G3BP1: variants seen among roughly 807,000 people sequenced by gnomAD.
G3BP1 encodes G3BP stress granule assembly factor 1.
Under a neutral mutation model 58.6 loss-of-function variants are expected in G3BP1, and 35 were observed. The observed-to-expected ratio is 0.60, with a 90% CI of 0.46 to 0.79. The LOEUF (loss-of-function observed/expected upper bound fraction) is 0.79. Ranked by LOEUF, G3BP1 falls within the 30% of genes least tolerant of loss-of-function variation. The pLI is 0.00. For synonymous variants in G3BP1, 191 were observed against 195.4 expected, an observed-to-expected ratio of 0.98 and a Z score of 0.19; for missense variants, 523 against 580.8, an observed-to-expected ratio of 0.90 and a Z score of 1.02.
chr5:151,800,189 T>C (rs767408117), intron 9 of G3BP1, 29 bp from the exon 10 acceptor site: 1 of 1,608,234 alleles, frequency 6.2e-7, no homozygotes, highest in African/African-American at 1.3e-5. Flanking sequence ...TTCTCTTGTC[T>C]TTCATTGATG....
chr5:151,786,243 C>G (rs187251144), intron 1 of G3BP1, among the ~76,000 whole-genome samples: 1 of 152,146 alleles, frequency 6.6e-6, no homozygotes, highest in Non-Finnish European at 1.5e-5. Flanking sequence ...GAGCCGAGAT[C>G]GCACCACTGC....
intron 1 of G3BP1, among the ~76,000 whole-genome samples, chr5:151,786,068 C>G (rs888473996): frequency 5.3e-5 from 8 of 152,142 alleles, no homozygotes; most frequent in African/African-American, 1.7e-4. Context: ...CTGAGGCGGG[C>G]AGATCATGAG....
Position 151,810,192 on chromosome 5 carries a change from C to T in G3BP1, c.*6101C>T, listed in dbSNP as rs908416996. On this transcript the variant is annotated 3_prime_UTR_variant, in exon 12 of 12. Transcript: ENST00000356245. ...TCTCCCACTCTTCATGGAAGTGATG[C>T]TCCAGCCTTGCTAAAACACTGAGGG... The T allele has an allele frequency of 6.6e-6, 1 of 152,206 alleles. No individual in the cohort carries two copies. The highest frequency in any genetic ancestry group is 1.5e-5 in the Non-Finnish European group (1 of 68,044). The allele number at this position is 152,206 out of a possible 1,614,324, so 9.4% of individuals were successfully genotyped here.
chr5:151,798,541 A>G lies in G3BP1; in HGVS notation c.742-671A>G, dbSNP rs535372720. Reference sequence around the variant, plus strand: ...TTTTAAATGTGCGAGAAAGGTGTTTATGATGATTCTACAATTGATGTAATT... The same window carrying G: ...TTTTAAATGTGCGAGAAAGGTGTTTGTGATGATTCTACAATTGATGTAATT... On this transcript the variant is annotated intron_variant, in intron 7 of 11. Coordinates refer to ENST00000356245, the MANE Select transcript of G3BP1 (RefSeq NM_005754.3). Among the ~76,000 whole-genome samples the G allele has an allele frequency of 3.9e-5, 6 of 152,368 alleles. No homozygotes were observed. The South Asian group carries it at 1.2e-3, about 32-fold the overall frequency.
intron 1 of G3BP1, among the ~76,000 whole-genome samples, chr5:151,778,256 CAG>C (rs1295234125): frequency 3.9e-5 from 6 of 152,118 alleles, no homozygotes; most frequent in Admixed American, 1.3e-4. Context: ...TGTTGGCTAA[CAG>C]TGTGTATGGT....
At chr5:151,779,419 T>A (rs1762429746) in intron 1 of G3BP1, among the ~76,000 whole-genome samples, 1 of 152,186 alleles carries the variant, frequency 6.6e-6, no homozygotes, top group African/African-American at 2.4e-5. Flanking sequence ...GAAGAGAGTA[T>A]ACTTTTTCCA....
intron 2 of G3BP1, among the ~76,000 whole-genome samples, chr5:151,789,582 A>G (rs1171639755): frequency 6.6e-6 from 1 of 152,242 alleles, no homozygotes; most frequent in Non-Finnish European, 1.5e-5. Flanking sequence ...TTCTAAAACC[A>G]CTTGCATGAA....
rs543337546 is a variant in G3BP1, at chr5:151,811,886, A to G, written c.*7795A>G. 17 of 152,310 alleles carry G rather than the reference A, an allele frequency of 1.1e-4. No homozygotes were observed. The highest frequency in any genetic ancestry group is 3.9e-4 in the East Asian group (2 of 5,180). 9.4% of individuals were successfully genotyped at this position (152,310 alleles called of 1,614,324 possible). On this transcript the variant is annotated 3_prime_UTR_variant, in exon 12 of 12. Coordinates refer to ENST00000356245, the MANE Select transcript of G3BP1 (RefSeq NM_005754.3). Reference sequence around the variant, plus strand: ...GAAATTTCCATATAAAAGACATACTATCACATTTTCTTCTTCATAAGGATG... The same window carrying G: ...GAAATTTCCATATAAAAGACATACTGTCACATTTTCTTCTTCATAAGGATG...
At position 151,811,543 on chromosome 5, in the gene G3BP1, G is replaced by T. The variant is rs1333504530; in HGVS notation, c.*7452G>T. The T allele has an allele frequency of 6.6e-6, 1 of 152,088 alleles. No individual in the cohort carries two copies. The highest frequency in any genetic ancestry group is 1.5e-5 in the Non-Finnish European group (1 of 68,006). The allele number at this position is 152,088 out of a possible 1,614,324, so 9.4% of individuals were successfully genotyped here. A position where few individuals can be genotyped will look rare whatever the true frequency, so the allele number is the denominator to read the frequency against. On this transcript the variant is annotated 3_prime_UTR_variant, in exon 12 of 12. Coordinates refer to ENST00000356245, the MANE Select transcript of G3BP1 (RefSeq NM_005754.3). ...TTTCCATTGGAATCAGCATGGATAT[G>T]TGTATATGGATGGTTCAATAAATAT...
At chr5:151,800,106 G>C (rs1224357920) in intron 9 of G3BP1, 106 bp downstream of exon 9, 1 of 1,200,336 alleles carries the variant, frequency 8.3e-7, no homozygotes, top group Non-Finnish European at 1.2e-6. Context: ...ATATTGTAGG[G>C]TTGATGGAAT....
In G3BP1 at chr5:151,811,431, G is replaced by A. The variant is rs1443203385; in HGVS notation, c.*7340G>A. On this transcript the variant is annotated 3_prime_UTR_variant, in exon 12 of 12. Coordinates refer to ENST00000356245, the MANE Select transcript of G3BP1 (RefSeq NM_005754.3). The stretch of plus-strand genomic sequence containing the variant: ...CAGGTCATACATAGGTTTCTCCCTG[G>A]GGTAATTGGAAGTTCTTGCATATAA... The A allele has an allele frequency of 6.6e-6, 1 of 152,060 alleles. No individual in the cohort carries two copies. The highest frequency in any genetic ancestry group is 6.5e-5 in the Admixed American group (1 of 15,274). 9.4% of individuals were successfully genotyped at this position (152,060 alleles called of 1,614,324 possible).
In G3BP1 at chr5:151,803,446, A is replaced by G. The variant is rs192121725; in HGVS notation, c.1195-439A>G. On this transcript the variant is annotated intron_variant, in intron 11 of 11. Transcript: ENST00000356245. The stretch of plus-strand genomic sequence containing the variant: ...AGTGAAACTCTGTCTCATTAAAAAA[A>G]CAAACAAAAAACTGAACTGTGAGAA... Among the ~76,000 whole-genome samples the G allele has an allele frequency of 1.1e-3, 167 of 152,286 alleles. 1 individual carries two copies. In the Middle Eastern group the frequency reaches 0.02, roughly 19 times the overall value.
chr5:151,801,892 G>A (rs1029602236), intron 11 of G3BP1, among the ~76,000 whole-genome samples: 8 of 151,460 alleles, frequency 5.3e-5, no homozygotes, highest in African/African-American at 1.9e-4. Flanking sequence ...TTGGCTCACT[G>A]CAACCTCCAC....
rs769692681 is a variant in G3BP1, at chr5:151,790,948, T to C, written c.237T>C (p.His79=). The part of the protein sequence containing the change: ...NFTNCHTKIR[H]VDAHATLNDG... ...CCAACTGCCACACCAAGATTCGCCA[T>C]GTTGATGCTCATGCCACGCTAAATG... is the stretch of plus-strand genomic sequence containing the variant. The change falls in exon 4 of 12, where the codon CAT becomes CAC. Residue 79 remains histidine (H), a synonymous_variant. Coordinates refer to ENST00000356245, the MANE Select transcript of G3BP1 (RefSeq NM_005754.3). 1 of 1,611,678 alleles carries C rather than the reference T, an allele frequency of 6.2e-7. No homozygotes were observed. Among genetic ancestry groups the C allele is most frequent in the African/African-American group, 1.3e-5 (1 of 74,964 alleles).
At chr5:151,790,230 C>CAAAAAA in intron 2 of G3BP1, 93 bp from the exon 3 acceptor site, 1 of 423,314 alleles carries the variant, frequency 2.4e-6, no homozygotes, top group Non-Finnish European at 4.1e-6. Context: ...GACCCCGTTG[C>CAAAAAA]AAAAAAAAAA....
In G3BP1 at chr5:151,799,881, T is replaced by A. The variant is rs766442204; in HGVS notation, c.844-8T>A. On this transcript the variant is annotated splice_polypyrimidine_tract_variant and splice_region_variant and intron_variant, in intron 8 of 11. Transcript: ENST00000356245. ...TTTTAACACAAAAGTTAACTTAAAATTTTTCAGCCCCGTCCAGAGTCTAAG... is the reference window on the plus strand; with the variant it reads ...TTTTAACACAAAAGTTAACTTAAAAATTTTCAGCCCCGTCCAGAGTCTAAG... 12 of 1,558,558 alleles carry A rather than the reference T, an allele frequency of 7.7e-6. No individual in the cohort carries two copies. In the South Asian group the frequency reaches 9.2e-5, roughly 12 times the overall value.
intron 5 of G3BP1, 58 bp downstream of exon 5, chr5:151,794,307 G>C: frequency 1.1e-6 from 1 of 878,852 alleles, no homozygotes; most frequent in South Asian, 1.3e-5. Flanking sequence ...GCATCCGATT[G>C]CCCTTAAGAG....
In G3BP1 at chr5:151,772,046, G is replaced by A. The variant is rs189822762; in HGVS notation, c.-50+10G>A. 1.2e-3 allele frequency: 177 copies of A among 152,820 alleles called. No homozygotes were observed. The highest frequency in any genetic ancestry group is 0.012 in the East Asian group (60 of 5,196). 9.5% of individuals were successfully genotyped at this position (152,820 alleles called of 1,614,324 possible). The stretch of plus-strand genomic sequence containing the variant: ...CAGCTCAGCCGCGTAGGTACGCCGG[G>A]GTGTGGGCGGGGCAGGGAGGCCAGA... On this transcript the variant is annotated intron_variant, in intron 1 of 11. Coordinates refer to ENST00000356245, the MANE Select transcript of G3BP1 (RefSeq NM_005754.3).
chr5:151,806,948 A>T lies in G3BP1; in HGVS notation c.*2857A>T, dbSNP rs958513452. ...GCCTCATGAGTATTTTAGTTAGATA[A>T]GATTTGTTTGGTTCAGTGGGTCTTA... On this transcript the variant is annotated 3_prime_UTR_variant, in exon 12 of 12. Transcript: ENST00000356245. 4 of 152,064 alleles carry T rather than the reference A, an allele frequency of 2.6e-5. No individual in the cohort carries two copies. The highest frequency in any genetic ancestry group is 9.7e-5 in the African/African-American group (4 of 41,406). The allele number at this position is 152,064 out of a possible 1,614,324, so 9.4% of individuals were successfully genotyped here. A position where few individuals can be genotyped will look rare whatever the true frequency, so the allele number is the denominator to read the frequency against.
Sources: allele counts gnomAD v4.1 joint callset (sites outside exome capture counted in the v4.1 genomes callset), GRCh38; gene constraint gnomAD v4.1.1; transcripts MANE v1.5; gene names NCBI Gene and HGNC (gene_info 2026-07-23, HGNC 2026-07-21).